Variants in SLC71A2 observed in about 807,000 individuals in gnomAD.
The protein encoded by SLC71A2 is solute carrier family 71 member 2.
chr9:94,395,422 A>G, the SLC71A2 span, among the ~76,000 whole-genome samples: 6 of 144,748 alleles, frequency 4.1e-5, no homozygotes, highest in African/African-American at 1.1e-4. Flanking sequence ...GATGTATTTG[A>G]TAATAAGGGG....
chr9:94,435,109 T>C, the SLC71A2 span, among the ~76,000 whole-genome samples: 1 of 152,252 alleles, frequency 6.6e-6, no homozygotes, highest in Non-Finnish European at 1.5e-5. Context: ...TCAATCATTA[T>C]AATTACTGCT....
the SLC71A2 span, among the ~76,000 whole-genome samples, chr9:94,445,904 C>T: frequency 6.6e-6 from 1 of 152,192 alleles, no homozygotes; most frequent in Admixed American, 6.5e-5. Flanking sequence ...AGGGCATGAC[C>T]TAGGGATCCT....
At chr9:94,452,704 CATATATATTCATATATAT>C in the SLC71A2 span, among the ~76,000 whole-genome samples, 1 of 50,974 alleles carries the variant, frequency 2.0e-5, no homozygotes, top group African/African-American at 8.1e-5. Flanking sequence ...TTCATATATT[CATATATATTCATATATAT>C]ATAATAGATA....
the SLC71A2 span, among the ~76,000 whole-genome samples, chr9:94,431,947 C>G: frequency 2.0e-5 from 3 of 152,154 alleles, no homozygotes; most frequent in Non-Finnish European, 4.4e-5. Flanking sequence ...AGCATTGGCA[C>G]TTGTAGCTGG....
At chr9:94,450,604 C>T in the SLC71A2 span, among the ~76,000 whole-genome samples, 1 of 147,890 alleles carries the variant, frequency 6.8e-6, no homozygotes, top group Admixed American at 7.1e-5. Context: ...AGTCTCCTGC[C>T]TCAGCCTCCT....
At chr9:94,451,557 A>T in the SLC71A2 span, 3 of 1,212,918 alleles carry the variant, frequency 2.5e-6, no homozygotes, top group South Asian at 4.4e-5. Flanking sequence ...TACTTAAAAA[A>T]TTTAAAAAAT....
At chr9:94,420,432 A>G in the SLC71A2 span, among the ~76,000 whole-genome samples, 6 of 152,164 alleles carry the variant, frequency 3.9e-5, no homozygotes, top group Admixed American at 3.9e-4. Context: ...AACTTAATAA[A>G]TAAATGCTCC....
chr9:94,409,637 A>G, the SLC71A2 span, among the ~76,000 whole-genome samples: 1 of 152,190 alleles, frequency 6.6e-6, no homozygotes, highest in African/African-American at 2.4e-5. Context: ...GCGCTGCTTT[A>G]AGCTGCATTC....
chr9:94,434,099 T>C, the SLC71A2 span, among the ~76,000 whole-genome samples: 3 of 152,156 alleles, frequency 2.0e-5, no homozygotes, highest in Admixed American at 6.5e-5. Flanking sequence ...ATTCTACAAA[T>C]ATAAAAGAAA....
chr9:94,418,018 G>A, the SLC71A2 span, among the ~76,000 whole-genome samples: 17 of 151,994 alleles, frequency 1.1e-4, no homozygotes, highest in South Asian at 2.1e-4. Flanking sequence ...CACCACGCCC[G>A]GCTAATTTTT....
chr9:94,380,312 C>T, the SLC71A2 span, among the ~76,000 whole-genome samples: 1 of 150,722 alleles, frequency 6.6e-6, no homozygotes, highest in African/African-American at 2.4e-5. Flanking sequence ...CATGTGTTCT[C>T]TCTTCCCCTT....
the SLC71A2 span, among the ~76,000 whole-genome samples, chr9:94,385,858 T>C: frequency 6.6e-6 from 1 of 152,084 alleles, no homozygotes; most frequent in Non-Finnish European, 1.5e-5. Context: ...TTTGAGGTGA[T>C]CCTGAATTCT....
chr9:94,458,118 T>G, the SLC71A2 span, among the ~76,000 whole-genome samples: 1 of 152,242 alleles, frequency 6.6e-6, no homozygotes, highest in South Asian at 2.1e-4. Context: ...TTTTATGATT[T>G]TATATGTTTT....
chr9:94,446,811 G>C, the SLC71A2 span: 2 of 1,432,138 alleles, frequency 1.4e-6, no homozygotes, highest in Admixed American at 1.7e-5. Context: ...TGTTCTTTCT[G>C]CTTATTCTCA....
the SLC71A2 span, among the ~76,000 whole-genome samples, chr9:94,412,176 A>G: frequency 6.6e-6 from 1 of 152,228 alleles, no homozygotes; most frequent in African/African-American, 2.4e-5. Context: ...TTCTTAATAC[A>G]AGTGAGGCTA....
chr9:94,442,888 C>T, the SLC71A2 span, among the ~76,000 whole-genome samples: 1 of 151,714 alleles, frequency 6.6e-6, no homozygotes, highest in Non-Finnish European at 1.5e-5. Flanking sequence ...TTAACAACCT[C>T]CCCCCGCCCT....
chr9:94,381,344 T>C, the SLC71A2 span, among the ~76,000 whole-genome samples: 5 of 151,174 alleles, frequency 3.3e-5, no homozygotes, highest in African/African-American at 1.2e-4. Flanking sequence ...CTGGTTTGAA[T>C]TTTCTAGCTT....
chr9:94,459,196 G>C, the SLC71A2 span: 5 of 1,613,994 alleles, frequency 3.1e-6, no homozygotes, highest in Non-Finnish European at 4.2e-6. Flanking sequence ...TTTTATTTGG[G>C]GCATGTATAG....
chr9:94,449,607 C>T, the SLC71A2 span, among the ~76,000 whole-genome samples: 1 of 152,166 alleles, frequency 6.6e-6, no homozygotes, highest in Non-Finnish European at 1.5e-5. Flanking sequence ...AATCGGAGCC[C>T]TCATACTTGC....
Sources: allele counts gnomAD v4.1 joint callset (sites outside exome capture counted in the v4.1 genomes callset), GRCh38; gene constraint gnomAD v4.1.1; transcripts MANE v1.5; gene names NCBI Gene and HGNC (gene_info 2026-07-23, HGNC 2026-07-21).